The following CADM2 variants were observed in gnomAD, a reference collection of about 807,000 sequenced individuals.
The protein encoded by CADM2 is cell adhesion molecule 2, also known as immunoglobulin superfamily member 4D.
CADM2 carries 12 observed loss-of-function variants against 49.8 expected under a neutral mutation model. The ratio of observed to expected loss-of-function variants is 0.24; its 90% CI spans 0.15 to 0.39. The LOEUF (loss-of-function observed/expected upper bound fraction) is 0.39. CADM2 is among the 10% of genes least tolerant of loss of function. CADM2 has a pLI of 1.00. For synonymous variants in CADM2, 214 were observed against 175.4 expected (o/e 1.22, Z -1.74); for missense variants, 378 against 492.3 (o/e 0.77, Z 2.20).
At chr3:85,204,172 A>G (rs927132081) in intron 1 of CADM2, among the ~76,000 whole-genome samples, 2 of 152,210 alleles carry the variant, frequency 1.3e-5, no homozygotes, top group African/African-American at 4.8e-5. Context: ...AATTTATAAA[A>G]TGGTGACCTT....
At chr3:85,407,846 C>G (rs2035462284) in intron 1 of CADM2, among the ~76,000 whole-genome samples, 3 of 151,260 alleles carry the variant, frequency 2.0e-5, no homozygotes, top group Admixed American at 2.0e-4. Context: ...ACAAAGCAAA[C>G]AAACAAACAA....
intron 1 of CADM2, among the ~76,000 whole-genome samples, chr3:85,652,300 T>C (rs2107585044): frequency 6.6e-6 from 1 of 152,260 alleles, no homozygotes; most frequent in East Asian, 1.9e-4. Context: ...GCGTGTGATA[T>C]CTGCGTTAGT....
In CADM2 at chr3:86,066,669, G is replaced by T. The variant is rs200895162; in HGVS notation, c.1101G>T (p.Thr367=). 2.5e-6 allele frequency: 4 copies of T among 1,606,456 alleles called. No homozygotes were observed. Among genetic ancestry groups the T allele is most frequent in the Non-Finnish European group, 3.4e-6 (4 of 1,173,178 alleles). Residue 367 remains threonine, a synonymous_variant, in exon 10 of 10, where the codon ACG becomes ACT. Transcript: ENST00000383699. The part of the protein sequence containing the change: ...LGRYLARHKG[T]YLTNEAKGAE... ...TTTTTCTTCCAATATATGCAGGAAC[G>T]TATTTAACAAATGAAGCTAAAGGAG...
chr3:85,187,364 A>AT (rs1197299074), intron 1 of CADM2, among the ~76,000 whole-genome samples: 1 of 152,114 alleles, frequency 6.6e-6, no homozygotes, highest in Non-Finnish European at 1.5e-5. Context: ...AATATTAATG[A>AT]TTTTTTCCAA....
chr3:85,032,687 G>C (rs1482208727), intron 1 of CADM2, among the ~76,000 whole-genome samples: 1 of 152,026 alleles, frequency 6.6e-6, no homozygotes. Context: ...AGTAGGTTTT[G>C]TCACATTGAC....
intron 6 of CADM2, among the ~76,000 whole-genome samples, chr3:85,928,785 ACATT>A (rs1318894211): frequency 6.6e-6 from 1 of 152,134 alleles, no homozygotes; most frequent in African/African-American, 2.4e-5. Flanking sequence ...TTTGAACAAA[ACATT>A]CATTTATTTA....
At chr3:85,606,709 T>A (rs1364049165) in intron 1 of CADM2, among the ~76,000 whole-genome samples, 1 of 151,994 alleles carries the variant, frequency 6.6e-6, no homozygotes, top group East Asian at 1.9e-4. Context: ...ATGAGTAGGA[T>A]GTTGAAGAGT....
At chr3:85,099,419 A>T (rs1293724655) in intron 1 of CADM2, among the ~76,000 whole-genome samples, 1 of 152,120 alleles carries the variant, frequency 6.6e-6, no homozygotes, top group Non-Finnish European at 1.5e-5. Context: ...ACACTTACTT[A>T]TAAGTTCTCC....
chr3:85,332,900 T>C (rs1009312166), intron 1 of CADM2, among the ~76,000 whole-genome samples: 1 of 151,942 alleles, frequency 6.6e-6, no homozygotes, highest in African/African-American at 2.4e-5. Flanking sequence ...GATAAATATG[T>C]ATGAATTACA....
intron 1 of CADM2, among the ~76,000 whole-genome samples, chr3:85,302,219 G>A (rs938782008): frequency 4.0e-5 from 6 of 151,856 alleles, no homozygotes; most frequent in African/African-American, 1.2e-4. Context: ...GCCTATTTTC[G>A]TTTTTCATAA....
intron 8 of CADM2, among the ~76,000 whole-genome samples, chr3:85,983,641 C>T (rs1301692512): frequency 6.6e-6 from 1 of 151,738 alleles, no homozygotes; most frequent in Non-Finnish European, 1.5e-5. Flanking sequence ...AGATTTTCCC[C>T]TATAATTACA....
At chr3:85,120,535 G>C (rs975376161) in intron 1 of CADM2, among the ~76,000 whole-genome samples, 1 of 151,768 alleles carries the variant, frequency 6.6e-6, no homozygotes, top group African/African-American at 2.4e-5. Context: ...CAGGGACATG[G>C]ATGAAGCTGG....
intron 1 of CADM2, among the ~76,000 whole-genome samples, chr3:85,091,991 T>C (rs1389857149): frequency 1.3e-5 from 2 of 152,174 alleles, no homozygotes; most frequent in East Asian, 1.9e-4. Context: ...AACTCTGGCC[T>C]GATTTTAATT....
chr3:84,993,880 G>A (rs901546045), intron 1 of CADM2, among the ~76,000 whole-genome samples: 1 of 152,030 alleles, frequency 6.6e-6, no homozygotes, highest in Non-Finnish European at 1.5e-5. Context: ...ACAAAATTAA[G>A]GTTAAAATTC....
chr3:85,496,175 G>A (rs1244735239), intron 1 of CADM2, among the ~76,000 whole-genome samples: 3 of 152,076 alleles, frequency 2.0e-5, no homozygotes, highest in South Asian at 2.1e-4. Context: ...TAACCAATAG[G>A]CACTTTTTCA....
chr3:84,969,962 G>A (rs2107083000), intron 1 of CADM2, among the ~76,000 whole-genome samples: 1 of 151,206 alleles, frequency 6.6e-6, no homozygotes, highest in Non-Finnish European at 1.5e-5. Context: ...ACTTTGAGTA[G>A]CTGGCATTTC....
rs372625723 is a variant in CADM2 at position 85,408,376 on chromosome 3, C to T, written c.62-318146C>T. On this transcript the variant is annotated intron_variant, in intron 1 of 9. Transcript: ENST00000383699. ...TAAAAGCCAGGTAGGTAATAATTGA[C>T]GATGACTAGTCTAATTCTGGAATGG... 1.6e-4 allele frequency among the ~76,000 whole-genome samples: 25 copies of T among 152,222 alleles called. No individual in the cohort carries two copies. The South Asian group carries it at 5.2e-3, about 32-fold the overall frequency.
chr3:85,764,867 T>C (rs535562291), intron 2 of CADM2, among the ~76,000 whole-genome samples: 22 of 152,228 alleles, frequency 1.4e-4, no homozygotes, highest in African/African-American at 5.1e-4. Flanking sequence ...ATCCTATTTA[T>C]AAATGGATAA....
At chr3:85,915,658 C>G (rs966718645) in intron 6 of CADM2, among the ~76,000 whole-genome samples, 2 of 151,956 alleles carry the variant, frequency 1.3e-5, no homozygotes, top group Admixed American at 6.6e-5. Flanking sequence ...ATAGAACTTT[C>G]CATGAATGAG....
Sources: gnomAD v4.1 joint callset for allele counts (sites outside exome capture counted in the v4.1 genomes callset) on GRCh38, gnomAD v4.1.1 for gene constraint, MANE v1.5 for transcripts, NCBI Gene and HGNC (gene_info 2026-07-23, HGNC 2026-07-21) for gene names.